The following PLD5 variants were observed in gnomAD, a reference collection of about 807,000 sequenced individuals.
PLD5 encodes inactive phospholipase D5.
A neutral mutation model predicts 61.1 loss-of-function variants in PLD5; 36 were observed. That is an observed-to-expected ratio of 0.59 (90% confidence interval 0.45 to 0.78). The LOEUF (loss-of-function observed/expected upper bound fraction) is 0.78. Among genes scored for constraint, PLD5 ranks in the 30% least tolerant of loss-of-function variants. PLD5 has a pLI of 0.00. For synonymous variants in PLD5, 243 were observed against 242.8 expected, an observed-to-expected ratio of 1.00 and a Z score of -0.01; for missense variants, 515 against 644.4, an observed-to-expected ratio of 0.80 and a Z score of 2.17.
At chr1:242,459,819 T>C (rs1667060394) in intron 1 of PLD5, among the ~76,000 whole-genome samples, 2 of 152,146 alleles carry the variant, frequency 1.3e-5, no homozygotes, top group Non-Finnish European at 2.9e-5. Flanking sequence ...GAATGGAATG[T>C]GACTCTTGTG....
chr1:242,225,843 T>C (rs1458467373), intron 4 of PLD5, among the ~76,000 whole-genome samples: 2 of 152,258 alleles, frequency 1.3e-5, no homozygotes, highest in African/African-American at 4.8e-5. Context: ...CAAACACTCA[T>C]GCATACATTT....
At chr1:242,289,497 T>C (rs1236634254) in intron 2 of PLD5, among the ~76,000 whole-genome samples, 2 of 152,184 alleles carry the variant, frequency 1.3e-5, no homozygotes, top group African/African-American at 4.8e-5. Flanking sequence ...TACAGACACC[T>C]GCCACCATGC....
At position 242,254,096 on chromosome 1, in the gene PLD5, G is replaced by A. The variant is rs377006168; in HGVS notation, c.607+11241C>T. 2.4e-4 allele frequency among the ~76,000 whole-genome samples: 37 copies of A among 152,206 alleles called. 1 individual carries two copies. Among genetic ancestry groups the A allele is most frequent in the East Asian group, 2.3e-3 (12 of 5,166 alleles). On this transcript the variant is annotated intron_variant, in intron 4 of 9. Transcript: ENST00000536534. ...TCTGTAATGTATGATTAAAACCGGG[G>A]CTTTTCTTTCATCAGAAAATCACAG... is the stretch of plus-strand genomic sequence containing the variant.
At chr1:242,527,186 G>A (rs996066341), upstream of PLD5, among the ~76,000 whole-genome samples, 5 of 134,148 alleles carry the variant, frequency 3.7e-5, no homozygotes, top group African/African-American at 1.4e-4. Flanking sequence ...GCTGGAGTGC[G>A]GTGGTTCCAT....
At chr1:242,327,921 C>A (rs1244178887) in intron 2 of PLD5, among the ~76,000 whole-genome samples, 4 of 151,088 alleles carry the variant, frequency 2.6e-5, no homozygotes, top group South Asian at 2.1e-4. Context: ...CAAGACCTTG[C>A]CTCTCTAGTT....
chr1:242,093,972 T>C (rs925545570), intron 9 of PLD5, among the ~76,000 whole-genome samples: 1 of 144,010 alleles, frequency 6.9e-6, no homozygotes, highest in Admixed American at 6.8e-5. Context: ...TCAGGAATCA[T>C]GGCTCTGGAA....
chr1:242,137,540 A>T (rs1415000826), intron 5 of PLD5, among the ~76,000 whole-genome samples: 2 of 152,224 alleles, frequency 1.3e-5, no homozygotes, highest in Non-Finnish European at 2.9e-5. Context: ...CCAGATTGGC[A>T]ATCTGATGGG....
chr1:242,145,017 A>G (rs566543665), intron 5 of PLD5, among the ~76,000 whole-genome samples: 80 of 152,212 alleles, frequency 5.3e-4, no homozygotes, highest in Admixed American at 9.2e-4. Flanking sequence ...CTGAGCCCTC[A>G]GAACAACTAT....
At chr1:242,147,247 T>C (rs1240103308) in intron 5 of PLD5, among the ~76,000 whole-genome samples, 2 of 152,190 alleles carry the variant, frequency 1.3e-5, no homozygotes, top group African/African-American at 4.8e-5. Flanking sequence ...GAATGTCGTA[T>C]AAACTGAGTC....
Position 242,413,361 on chromosome 1 carries a change from T to C in PLD5, c.190-65119A>G, listed in dbSNP as rs575717807. ...GTATTTCTTGAGGTCCTATTACATATGATAGACTATCCTAGGCTTAGGGAT... is the reference window on the plus strand; with the variant it reads ...GTATTTCTTGAGGTCCTATTACATACGATAGACTATCCTAGGCTTAGGGAT... On this transcript the variant is annotated intron_variant, in intron 1 of 9. Coordinates refer to ENST00000536534, the MANE Select transcript of PLD5 (RefSeq NM_001372062.1). Among the ~76,000 whole-genome samples, 9 of 152,218 alleles carry C rather than the reference T, an allele frequency of 5.9e-5. No homozygotes were observed. In the South Asian group the frequency reaches 1.2e-3, roughly 21 times the overall value.
chr1:242,250,169 C>G (rs530526392), intron 4 of PLD5, among the ~76,000 whole-genome samples: 2 of 152,304 alleles, frequency 1.3e-5, no homozygotes, highest in African/African-American at 2.4e-5. Flanking sequence ...ACGGTATACT[C>G]AGTGTTATAA....
rs565315689 is a variant in PLD5 at position 242,103,243 on chromosome 1, C to T, written c.1240-2461G>A. ...GACTTCACTGGGCAGCCTCTTCACC[C>T]ATGGTCACCCTTCCCCAGCGCACAC... On this transcript the variant is annotated intron_variant, in intron 8 of 9. Transcript: ENST00000536534. Among the ~76,000 whole-genome samples the T allele has an allele frequency of 1.1e-3, 161 of 152,310 alleles. 1 individual carries two copies. Among genetic ancestry groups the T allele is most frequent in the Admixed American group, 2.3e-3 (35 of 15,296 alleles).
At chr1:242,137,715 A>T (rs1228739630) in intron 5 of PLD5, among the ~76,000 whole-genome samples, 3 of 152,156 alleles carry the variant, frequency 2.0e-5, no homozygotes, top group Admixed American at 2.0e-4. Context: ...TTGATCATAA[A>T]CCTGGGCTGA....
chr1:242,395,819 G>A (rs139640377), intron 1 of PLD5, among the ~76,000 whole-genome samples: 1 of 152,190 alleles, frequency 6.6e-6, no homozygotes, highest in Non-Finnish European at 1.5e-5. Flanking sequence ...GGAGGCCAAG[G>A]CAGGTGAATC....
At chr1:242,473,918 A>G (rs1168557368) in intron 1 of PLD5, among the ~76,000 whole-genome samples, 2 of 152,216 alleles carry the variant, frequency 1.3e-5, no homozygotes, top group Non-Finnish European at 2.9e-5. Context: ...CAACTGTTCA[A>G]TGGGAACATT....
In PLD5 at chr1:242,394,781, T is replaced by TATATATGTGAATATATATAC. The variant is rs1663335029; in HGVS notation, c.190-46540_190-46539insGTATATATATTCACATATAT. 4.2e-5 allele frequency among the ~76,000 whole-genome samples: 3 copies of TATATATGTGAATATATATAC among 71,368 alleles called. 1 individual carries two copies. Among genetic ancestry groups the TATATATGTGAATATATATAC allele is most frequent in the Admixed American group, 2.0e-4 (1 of 5,046 alleles). 46.8% of individuals were successfully genotyped at this position (71,368 alleles called of 152,430 possible). A position where few individuals can be genotyped will look rare whatever the true frequency, so the allele number is the denominator to read the frequency against. On this transcript the variant is annotated intron_variant, in intron 1 of 9. Coordinates refer to ENST00000536534, the MANE Select transcript of PLD5 (RefSeq NM_001372062.1). ...GTGTATATATGTGAATATATATGTG[T>TATATATGTGAATATATATAC]ATATATGTGAATATATATGTGTATA... is the stretch of plus-strand genomic sequence containing the variant.
At chr1:242,344,859 G>T (rs1230877316) in intron 2 of PLD5, among the ~76,000 whole-genome samples, 3 of 152,098 alleles carry the variant, frequency 2.0e-5, no homozygotes, top group African/African-American at 7.2e-5. Flanking sequence ...AACAAAAAAG[G>T]GTATAATTGG....
chr1:242,444,460 T>C (rs1666414604), intron 1 of PLD5, among the ~76,000 whole-genome samples: 1 of 151,740 alleles, frequency 6.6e-6, no homozygotes, highest in East Asian at 1.9e-4. Context: ...AATGGCACTG[T>C]AGCCATTAGT....
chr1:242,280,447 T>A (rs1574658668), intron 3 of PLD5, among the ~76,000 whole-genome samples: 1 of 135,374 alleles, frequency 7.4e-6, no homozygotes, highest in Non-Finnish European at 1.7e-5. Flanking sequence ...TATACGTGTT[T>A]TATTTTTCCC....
Sources: allele counts gnomAD v4.1 joint callset (sites outside exome capture counted in the v4.1 genomes callset), GRCh38; gene constraint gnomAD v4.1.1; transcripts MANE v1.5; gene names NCBI Gene and HGNC (gene_info 2026-07-23, HGNC 2026-07-21).